Variants in GRM8 observed in about 807,000 individuals in gnomAD.
GRM8 encodes metabotropic glutamate receptor 8.
GRM8 carries 47 observed loss-of-function variants against 87.2 expected under a neutral mutation model. The observed-to-expected ratio is 0.54, with a 90% CI of 0.43 to 0.69. The LOEUF is 0.69. Among genes scored for constraint, GRM8 ranks in the 30% least tolerant of loss-of-function variants. The probability of loss-of-function intolerance (pLI) is 0.00; values close to 1 mark genes in which losing one functional copy is unlikely to be tolerated. For synonymous variants in GRM8, 396 were observed against 404.5 expected (o/e 0.98, Z 0.25); for missense variants, 1,019 against 1,139.2 (o/e 0.89, Z 1.52).
chr7:126,690,953 G>C (rs754779321), intron 7 of GRM8, among the ~76,000 whole-genome samples: 17 of 152,242 alleles, frequency 1.1e-4, no homozygotes, highest in Admixed American at 3.3e-4. Flanking sequence ...ATTGGTCCAT[G>C]GGCAGCCATG....
chr7:127,172,303 G>A (rs1241324042), intron 2 of GRM8, among the ~76,000 whole-genome samples: 3 of 151,968 alleles, frequency 2.0e-5, no homozygotes, highest in African/African-American at 7.3e-5. Context: ...TTATACTAAT[G>A]TAATTAAAAT....
At chr7:127,250,868 T>C (rs968336969) in intron 1 of GRM8, 1 of 152,246 alleles carries the variant, frequency 6.6e-6, no homozygotes, top group African/African-American at 2.4e-5. Context: ...GCTCTTTTTC[T>C]CTATTTTTCT....
At chr7:126,603,308 C>T (rs1468525525) in intron 8 of GRM8, among the ~76,000 whole-genome samples, 1 of 144,972 alleles carries the variant, frequency 6.9e-6, no homozygotes, top group Non-Finnish European at 1.5e-5. Flanking sequence ...TGGAAGCATT[C>T]CCTTTGAAAA....
chr7:126,923,419 G>T (rs1390389814), intron 3 of GRM8, among the ~76,000 whole-genome samples: 1 of 152,028 alleles, frequency 6.6e-6, no homozygotes, highest in Non-Finnish European at 1.5e-5. Context: ...ATCAGTAATT[G>T]GTTTTAATAA....
chr7:126,461,150 CTG>C (rs1460172879), intron 9 of GRM8, among the ~76,000 whole-genome samples: 3 of 151,488 alleles, frequency 2.0e-5, no homozygotes, highest in Non-Finnish European at 4.4e-5. Flanking sequence ...AGCAGTCTGA[CTG>C]AGTCTTCTCT....
rs143180604 is a variant in GRM8, at chr7:126,714,278, A to AAATAATAAT, written c.1357+55578_1357+55586dup. Among the ~76,000 whole-genome samples the AAATAATAAT allele has an allele frequency of 5.0e-3, 687 of 137,030 alleles. 6 individuals are homozygous for AAATAATAAT. Among genetic ancestry groups the AAATAATAAT allele is most frequent in the East Asian group, 0.01 (47 of 4,606 alleles). 89.9% of individuals were successfully genotyped at this position (137,030 alleles called of 152,430 possible). ...GGGTGACAGAGCAAGACTCCATCTC[A>AAATAATAAT]AATAATAATAATAATAATAATAATA... On this transcript the variant is annotated intron_variant, in intron 7 of 10. Transcript: ENST00000339582.
At chr7:126,505,990 A>G (rs553719484) in intron 9 of GRM8, among the ~76,000 whole-genome samples, 54 of 151,742 alleles carry the variant, frequency 3.6e-4, no homozygotes, top group African/African-American at 1.3e-3. Flanking sequence ...CTGTCTCCCC[A>G]TTCCTCTCCT....
chr7:126,737,396 A>C (rs1414005867), intron 7 of GRM8, among the ~76,000 whole-genome samples: 1 of 151,810 alleles, frequency 6.6e-6, no homozygotes, highest in African/African-American at 2.4e-5. Flanking sequence ...ACCCCCACCC[A>C]CCAAATTATC....
chr7:126,654,176 T>C (rs1461861312), intron 7 of GRM8, among the ~76,000 whole-genome samples: 1 of 152,134 alleles, frequency 6.6e-6, no homozygotes, highest in Non-Finnish European at 1.5e-5. Flanking sequence ...TTAGGTGAGG[T>C]GACAAGTGTG....
chr7:127,091,856 A>G (rs1824148280), intron 3 of GRM8, among the ~76,000 whole-genome samples: 1 of 45,134 alleles, frequency 2.2e-5, no homozygotes, highest in South Asian at 1.2e-3. Context: ...CGTCCCGCCA[A>G]TGACCCCCCC....
intron 8 of GRM8, among the ~76,000 whole-genome samples, chr7:126,556,249 T>C (rs1174828325): frequency 6.6e-6 from 1 of 151,544 alleles, no homozygotes; most frequent in Non-Finnish European, 1.5e-5. Flanking sequence ...TTTGTGTTTT[T>C]CATATTAGTA....
chr7:126,470,966 T>C (rs1393678066), intron 9 of GRM8, among the ~76,000 whole-genome samples: 2 of 152,194 alleles, frequency 1.3e-5, no homozygotes, highest in East Asian at 3.9e-4. Context: ...TTTTCATGTG[T>C]TTTTTGGCTG....
chr7:126,701,248 T>G (rs1439756689), intron 7 of GRM8, among the ~76,000 whole-genome samples: 1 of 152,146 alleles, frequency 6.6e-6, no homozygotes, highest in East Asian at 1.9e-4. Flanking sequence ...TGCCTTGTAT[T>G]GCAAACACAT....
At chr7:126,576,960 G>A (rs1490909602) in intron 8 of GRM8, among the ~76,000 whole-genome samples, 1 of 152,144 alleles carries the variant, frequency 6.6e-6, no homozygotes, top group Admixed American at 6.5e-5. Flanking sequence ...TTGACTCCAG[G>A]AAAACATCCT....
At chr7:127,172,538 G>A (rs568776761) in intron 2 of GRM8, among the ~76,000 whole-genome samples, 6 of 151,742 alleles carry the variant, frequency 4.0e-5, no homozygotes, top group African/African-American at 1.2e-4. Flanking sequence ...AACCCCATCT[G>A]TACTAAAAAT....
chr7:126,776,442 A>G (rs1819485366), intron 6 of GRM8, among the ~76,000 whole-genome samples: 1 of 152,174 alleles, frequency 6.6e-6, no homozygotes, highest in Non-Finnish European at 1.5e-5. Context: ...TTGGTTAATG[A>G]TATCTCCCCA....
At chr7:126,816,321 GAAA>G (rs1793784118) in intron 6 of GRM8, among the ~76,000 whole-genome samples, 1 of 152,040 alleles carries the variant, frequency 6.6e-6, no homozygotes, top group Non-Finnish European at 1.5e-5. Flanking sequence ...CTGAATCTCT[GAAA>G]AGTGCAAGTG....
chr7:126,796,716 T>C (rs1333130289), intron 6 of GRM8, among the ~76,000 whole-genome samples: 1 of 152,080 alleles, frequency 6.6e-6, no homozygotes, highest in Non-Finnish European at 1.5e-5. Flanking sequence ...ATGCATGACA[T>C]AGACTCCTCT....
Position 126,904,044 on chromosome 7 carries a change from C to T in GRM8, c.946G>A (p.Ala316Thr), listed in dbSNP as rs2131228429. 7 of 1,607,690 alleles carry T rather than the reference C, an allele frequency of 4.4e-6. No homozygotes were observed. Among genetic ancestry groups the T allele is most frequent in the East Asian group, 2.2e-5 (1 of 44,762 alleles). ...ATCTCCTCTTGCTGATAGACAGGTG[C>T]TATTTTGGATCCCCAACTATCTGAG... Reference protein sequence around the residue: ...IGSDSWGSKIAPVYQQEEIAE... With the variant: ...IGSDSWGSKITPVYQQEEIAE... The change falls in exon 5 of 11, where the codon GCA (alanine) becomes ACA (threonine). Residue 316 changes from alanine to threonine, a missense_variant. Physicochemically the swap from Ala to Thr is moderately conservative, Grantham distance 58. Coordinates refer to ENST00000339582, the MANE Select transcript of GRM8 (RefSeq NM_000845.3).
Sources: allele counts gnomAD v4.1 joint callset (sites outside exome capture counted in the v4.1 genomes callset), GRCh38; gene constraint gnomAD v4.1.1; transcripts MANE v1.5; gene names NCBI Gene and HGNC (gene_info 2026-07-23, HGNC 2026-07-21).